The following CD163 variants were observed in gnomAD, a reference collection of about 807,000 sequenced individuals.
CD163 encodes CD163 molecule, also known as scavenger receptor cysteine-rich type 1 protein M130.
A neutral mutation model predicts 129.2 loss-of-function variants in CD163; 64 were observed. The observed-to-expected ratio is 0.50, with a 90% confidence interval of 0.41 to 0.61. The LOEUF (loss-of-function observed/expected upper bound fraction) is 0.61. Among genes scored for constraint, CD163 ranks in the 20% least tolerant of loss-of-function variants. The probability of loss-of-function intolerance (pLI) is 0.00; values close to 1 mark genes in which losing one functional copy is unlikely to be tolerated. For missense variants in CD163, 1,061 were observed against 1,377.9 expected (o/e 0.77, Z 3.64); for synonymous variants, 446 against 478.5 (o/e 0.93, Z 0.89).
intron 16 of CD163, among the ~76,000 whole-genome samples, chr12:7,476,553 G>A (rs1478456247): frequency 1.3e-5 from 2 of 152,092 alleles, no homozygotes; most frequent in Non-Finnish European, 2.9e-5. Flanking sequence ...ACAGAAACTG[G>A]ACCACTTCCT....
Position 7,490,681 on chromosome 12 carries a change from C to T in CD163, c.1421-2594G>A, listed in dbSNP as rs752540090. On this transcript the variant is annotated intron_variant, in intron 6 of 16. Transcript: ENST00000432237. ...CTGATTTCCTTTCATCTCTCATAAACCTTTCACCTGATACAAAAATGTCTT... is the reference window on the plus strand; with the variant it reads ...CTGATTTCCTTTCATCTCTCATAAATCTTTCACCTGATACAAAAATGTCTT... 3.9e-5 allele frequency among the ~76,000 whole-genome samples: 6 copies of T among 152,040 alleles called. No individual in the cohort carries two copies. In the South Asian group the frequency reaches 1.2e-3, roughly 32 times the overall value.
chr12:7,495,341 T>C lies in CD163; in HGVS notation c.1160A>G (p.Glu387Gly). Reference sequence around the variant, plus strand: ...CCCTAACAGTCTCTGAATCTCCACCTCAACTGTCCCAGCACAGCGGCTGCC... The same window carrying C: ...CCCTAACAGTCTCTGAATCTCCACCCCAACTGTCCCAGCACAGCGGCTGCC... ...GGGSRCAGTVEVEIQRLLGKV... is the reference protein window; with the variant it reads ...GGGSRCAGTVGVEIQRLLGKV... Residue 387 changes from glutamate (E) to glycine (G), a missense_variant, in exon 6 of 17, where the codon GAG becomes GGG. Physicochemically the swap from Glu to Gly is moderately conservative, Grantham distance 98. Coordinates refer to ENST00000432237, the MANE Select transcript of CD163 (RefSeq NM_203416.4). 6.2e-7 allele frequency: 1 copy of C among 1,614,088 alleles called. No homozygotes were observed.
intron 16 of CD163, among the ~76,000 whole-genome samples, chr12:7,472,579 C>T (rs1949020660): frequency 6.6e-6 from 1 of 152,126 alleles, no homozygotes; most frequent in Admixed American, 6.5e-5. Context: ...GTCATCAGCT[C>T]CAAATATCAA....
chr12:7,479,786 T>C, intron 16 of CD163, 74 bp downstream of exon 16: 2 of 1,487,894 alleles, frequency 1.3e-6, no homozygotes, highest in South Asian at 2.5e-5. Context: ...TTCTTTCTAA[T>C]GCCAGAAGAG....
chr12:7,488,640 T>A (rs1037207372), intron 6 of CD163, among the ~76,000 whole-genome samples: 1 of 152,204 alleles, frequency 6.6e-6, no homozygotes, highest in African/African-American at 2.4e-5. Flanking sequence ...AAACATTTCG[T>A]GTATTCCTTG....
At chr12:7,473,481 A>G (rs1183545447) in intron 16 of CD163, among the ~76,000 whole-genome samples, 1 of 152,202 alleles carries the variant, frequency 6.6e-6, no homozygotes, top group Non-Finnish European at 1.5e-5. Flanking sequence ...GCTAAGCTTC[A>G]TGAGTGAAGG....
chr12:7,485,472 C>G lies in CD163; in HGVS notation c.2459-56G>C. The stretch of plus-strand genomic sequence containing the variant: ...CATCTTTTCTGAAGATTCAGAGACT[C>G]CTTCCCTTTACCTTGATGTAAGAAT... On this transcript the variant is annotated intron_variant, in intron 10 of 16. Coordinates refer to ENST00000432237, the MANE Select transcript of CD163 (RefSeq NM_203416.4). The surrounding 1 kb of genome is among the most constrained non-coding windows in gnomAD (Gnocchi z 4.5). The G allele has an allele frequency of 1.4e-6, 2 of 1,397,780 alleles. No individual in the cohort carries two copies. 86.6% of individuals were successfully genotyped at this position (1,397,780 alleles called of 1,614,324 possible). A position where few individuals can be genotyped will look rare whatever the true frequency, so the allele number is the denominator to read the frequency against.
Position 7,495,076 on chromosome 12 carries a change from C to A in CD163, c.1420+5G>T. ...TCTTCTTAACAAGTTGATTGAAAGT[C>A]ATACCTGAGCAGGTAATTTTGGCTT... On this transcript the variant is annotated splice_donor_5th_base_variant and intron_variant, in intron 6 of 16. Transcript: ENST00000432237. 1 of 1,610,084 alleles carries A rather than the reference C, an allele frequency of 6.2e-7. No homozygotes were observed. The highest frequency in any genetic ancestry group is 1.1e-5 in the South Asian group (1 of 90,942).
chr12:7,476,690 A>T (rs1256094335), intron 16 of CD163, among the ~76,000 whole-genome samples: 1 of 152,174 alleles, frequency 6.6e-6, no homozygotes, highest in Non-Finnish European at 1.5e-5. Context: ...AAGACTTCAT[A>T]ACTAAAACAC....
chr12:7,486,051 C>G lies in CD163; in HGVS notation c.2458+448G>C, dbSNP rs11054176. Among the ~76,000 whole-genome samples the G allele has an allele frequency of 3.4e-3, 521 of 152,214 alleles. 23 individuals carry two copies. In the East Asian group the frequency reaches 0.083, roughly 24 times the overall value. On this transcript the variant is annotated intron_variant, in intron 10 of 16. Coordinates refer to ENST00000432237, the MANE Select transcript of CD163 (RefSeq NM_203416.4). ...AGTAACCTCATGCTACTTTTTGTTT[C>G]TATGACAAGTAAGTCTCATTTATCT...
chr12:7,482,919 T>C (rs1229213383), intron 13 of CD163, 47 bp downstream of exon 13: 14 of 1,599,170 alleles, frequency 8.8e-6, no homozygotes, highest in Non-Finnish European at 1.2e-5. Context: ...AGAAAAATTC[T>C]ATGTATGCAG....
rs1949401674 is a variant in CD163, at chr12:7,496,353, G to C, written c.1099+460C>G. On this transcript the variant is annotated intron_variant, in intron 5 of 16. Coordinates refer to ENST00000432237, the MANE Select transcript of CD163 (RefSeq NM_203416.4). This position sits in a 1 kb window ranked among gnomAD's most constrained non-coding sequence, Gnocchi z 4.8. Reference sequence around the variant, plus strand: ...TGGGTGGGGGGAAAGGGGAGGGAGAGCATTAGGACAAATACCTAATGCATG... The same window carrying C: ...TGGGTGGGGGGAAAGGGGAGGGAGACCATTAGGACAAATACCTAATGCATG... 6.6e-6 allele frequency among the ~76,000 whole-genome samples: 1 copy of C among 151,762 alleles called. No homozygotes were observed. The highest frequency in any genetic ancestry group is 1.5e-5 in the Non-Finnish European group (1 of 67,980).
At position 7,483,546 on chromosome 12, in the gene CD163, A is replaced by T; in HGVS notation, c.2909T>A (p.Leu970His). The T allele has an allele frequency of 1.2e-6, 2 of 1,613,948 alleles. No individual in the cohort carries two copies. The highest frequency in any genetic ancestry group is 1.7e-6 in the Non-Finnish European group (2 of 1,179,986). ...TGCTTTCAAAGCTGGACCACAGCCAAGTTGTTGACACACCACCTGAGCATC... is the reference window on the plus strand; with the variant it reads ...TGCTTTCAAAGCTGGACCACAGCCATGTTGTTGACACACCACCTGAGCATC... Reference protein sequence around the residue: ...LDDAQVVCQQLGCGPALKAFK... With the variant: ...LDDAQVVCQQHGCGPALKAFK... Residue 970 changes from leucine (L) to histidine (H), a missense_variant, in exon 12 of 17, where the codon CTT becomes CAT. Transcript: ENST00000432237.
At chr12:7,482,497 C>A (rs1257951666) in intron 14 of CD163, 146 bp downstream of exon 14, 6 of 841,892 alleles carry the variant, frequency 7.1e-6, no homozygotes, top group Non-Finnish European at 3.7e-6. Context: ...AGCCACTGTG[C>A]CTGGCCCTTC....
At chr12:7,486,429 A>T in intron 10 of CD163, 70 bp downstream of exon 10, 1 of 1,386,910 alleles carries the variant, frequency 7.2e-7, no homozygotes, top group Non-Finnish European at 9.9e-7. Context: ...TTTAAGATTA[A>T]TACCCCTCAC....
At chr12:7,499,383 T>C (rs924751519) in intron 3 of CD163, among the ~76,000 whole-genome samples, 195 bp from the exon 4 acceptor site, 3 of 152,236 alleles carry the variant, frequency 2.0e-5, no homozygotes, top group African/African-American at 7.2e-5. Context: ...TTTATCTATA[T>C]CTACTTACAA....
intron 16 of CD163, among the ~76,000 whole-genome samples, chr12:7,477,664 G>C (rs73043475): frequency 0.12 from 18,958 of 151,910 alleles, 1,940 homozygotes; most frequent in African/African-American, 0.27. Flanking sequence ...CCTAGATGGC[G>C]GGTTGATAGG....
In CD163 at chr12:7,496,921, C is replaced by G. The variant is rs1460117132; in HGVS notation, c.991G>C (p.Asp331His). 1 of 1,614,084 alleles carries G rather than the reference C, an allele frequency of 6.2e-7. No homozygotes were observed. ...ASKGFGHIWLDSVSCQGHEPA... is the reference protein window; with the variant it reads ...ASKGFGHIWLHSVSCQGHEPA... Reference sequence around the variant, plus strand: ...TCATGTCCCTGGCAAGAAACGCTGTCAAGCCAGATGTGTCCAAATCCCTTA... The same window carrying G: ...TCATGTCCCTGGCAAGAAACGCTGTGAAGCCAGATGTGTCCAAATCCCTTA... Residue 331 changes from aspartate to histidine, a missense_variant, in exon 5 of 17, where the codon GAC becomes CAC. Asp to His is a moderately conservative substitution (Grantham distance 81, BLOSUM62 -1). Transcript: ENST00000432237. The surrounding 1 kb of genome is among the most constrained non-coding windows in gnomAD (Gnocchi z 4.8).
intron 16 of CD163, among the ~76,000 whole-genome samples, chr12:7,476,441 C>A (rs1046442201): frequency 6.6e-6 from 1 of 152,152 alleles, no homozygotes; most frequent in African/African-American, 2.4e-5. Flanking sequence ...CACACCTCTA[C>A]AACCATCTGA....
Sources: gnomAD v4.1 joint callset for allele counts (sites outside exome capture counted in the v4.1 genomes callset) on GRCh38, gnomAD v4.1.1 for gene constraint, Gnocchi (gnomAD v3.1) non-coding constraint, MANE v1.5 for transcripts, NCBI Gene and HGNC (gene_info 2026-07-23, HGNC 2026-07-21) for gene names.